The following PDZRN4 variants were observed in gnomAD, a reference collection of about 807,000 sequenced individuals.
PDZRN4 encodes PDZ domain-containing RING finger protein 4.
Under a neutral mutation model 99.0 loss-of-function variants are expected in PDZRN4, and 70 were observed. The observed-to-expected ratio is 0.71, with a 90% CI of 0.58 to 0.86. The LOEUF (loss-of-function observed/expected upper bound fraction) is 0.86. Ranked by LOEUF, PDZRN4 falls within the 40% of genes least tolerant of loss-of-function variation. The pLI, the probability that PDZRN4 is intolerant of heterozygous loss-of-function variation, is 0.00. For missense variants in PDZRN4, 1,474 were observed against 1,331.2 expected (o/e 1.11, Z -1.67); for synonymous variants, 551 against 501.6 (o/e 1.10, Z -1.32).
chr12:41,544,313 C>A lies in PDZRN4; in HGVS notation c.1204-8343C>A, dbSNP rs1425292880. ...GCAGAGATAAGAGACTGGGTCACAT[C>A]TATTGTTTGTACAGCTTTCAGAACG... is the stretch of plus-strand genomic sequence containing the variant. On this transcript the variant is annotated intron_variant, in intron 5 of 9. Transcript: ENST00000402685. Among the ~76,000 whole-genome samples, 5 of 152,306 alleles carry A rather than the reference C, an allele frequency of 3.3e-5. No homozygotes were observed. The East Asian group carries it at 5.8e-4, about 18-fold the overall frequency.
chr12:41,268,866 A>G (rs1951296240), intron 3 of PDZRN4, among the ~76,000 whole-genome samples: 1 of 152,192 alleles, frequency 6.6e-6, no homozygotes, highest in African/African-American at 2.4e-5. Flanking sequence ...AAATCATTGA[A>G]GGATAAAAAC....
chr12:41,363,362 T>C (rs1003629611), intron 3 of PDZRN4, among the ~76,000 whole-genome samples: 2 of 152,106 alleles, frequency 1.3e-5, no homozygotes, highest in Admixed American at 6.6e-5. Flanking sequence ...TACTATGAAA[T>C]ATGATAGTGA....
intron 3 of PDZRN4, among the ~76,000 whole-genome samples, chr12:41,473,721 G>A (rs879592014): frequency 2.6e-5 from 4 of 152,202 alleles, no homozygotes; most frequent in African/African-American, 7.2e-5. Flanking sequence ...CCCACTGCCC[G>A]CTATCTCCAA....
intron 3 of PDZRN4, among the ~76,000 whole-genome samples, chr12:41,437,338 T>G (rs1334143623): frequency 6.6e-6 from 1 of 152,192 alleles, no homozygotes; most frequent in African/African-American, 2.4e-5. Flanking sequence ...CTAAAAATAT[T>G]TCTCCTTCTT....
At chr12:41,310,532 C>T (rs954660213) in intron 3 of PDZRN4, among the ~76,000 whole-genome samples, 1 of 152,046 alleles carries the variant, frequency 6.6e-6, no homozygotes, top group Non-Finnish European at 1.5e-5. Context: ...TTTGCAAATG[C>T]TATCCTTAGG....
At chr12:41,335,736 A>G (rs1951768802) in intron 3 of PDZRN4, among the ~76,000 whole-genome samples, 1 of 152,152 alleles carries the variant, frequency 6.6e-6, no homozygotes. Context: ...AAACACATAG[A>G]GTTAATATGT....
chr12:41,560,564 C>A (rs903715506), intron 7 of PDZRN4, among the ~76,000 whole-genome samples: 1 of 152,130 alleles, frequency 6.6e-6, no homozygotes, highest in African/African-American at 2.4e-5. Context: ...GGTTCTCTTT[C>A]CCTCTATTTT....
At chr12:41,225,330 G>A (rs567480408) in intron 3 of PDZRN4, among the ~76,000 whole-genome samples, 88 of 151,910 alleles carry the variant, frequency 5.8e-4, no homozygotes, top group South Asian at 4.0e-3. Flanking sequence ...TGCATCTGAT[G>A]TAATAAATTG....
intron 3 of PDZRN4, among the ~76,000 whole-genome samples, chr12:41,352,493 T>C (rs185824204): frequency 1.3e-5 from 2 of 152,264 alleles, no homozygotes; most frequent in African/African-American, 4.8e-5. Flanking sequence ...GGTGAACTTA[T>C]TGTTGTCAAT....
intron 3 of PDZRN4, among the ~76,000 whole-genome samples, chr12:41,453,842 C>T (rs1024004530): frequency 6.9e-6 from 1 of 145,910 alleles, no homozygotes; most frequent in African/African-American, 2.6e-5. Flanking sequence ...TTATTAAGTG[C>T]TTTAATTAGC....
At chr12:41,236,959 TAATATTATA>T (rs1267761028) in intron 3 of PDZRN4, among the ~76,000 whole-genome samples, 1 of 152,110 alleles carries the variant, frequency 6.6e-6, no homozygotes, top group South Asian at 2.1e-4. Context: ...GTCTTTTTCA[TAATATTATA>T]CTCTAAAAAT....
At chr12:41,390,713 A>C (rs578116037) in intron 3 of PDZRN4, among the ~76,000 whole-genome samples, 1 of 152,144 alleles carries the variant, frequency 6.6e-6, no homozygotes, top group Admixed American at 6.6e-5. Context: ...TGTTGGTAAG[A>C]ATAATGTAAC....
At chr12:41,456,272 AT>A (rs1952815853) in intron 3 of PDZRN4, among the ~76,000 whole-genome samples, 1 of 152,100 alleles carries the variant, frequency 6.6e-6, no homozygotes, top group Admixed American at 6.5e-5. Flanking sequence ...GTTGGAACCA[AT>A]TTCCCTCCTG....
chr12:41,241,256 G>A (rs1464271716), intron 3 of PDZRN4, among the ~76,000 whole-genome samples: 1 of 152,028 alleles, frequency 6.6e-6, no homozygotes, highest in African/African-American at 2.4e-5. Flanking sequence ...TTCAAATTCT[G>A]GATTTTTGGA....
chr12:41,494,605 G>T (rs1274003565), intron 3 of PDZRN4, among the ~76,000 whole-genome samples: 1 of 151,510 alleles, frequency 6.6e-6, no homozygotes, highest in Non-Finnish European at 1.5e-5. Context: ...TTTGCCTTAG[G>T]CATCAATCTA....
chr12:41,250,171 A>G (rs1182763834), intron 3 of PDZRN4, among the ~76,000 whole-genome samples: 1 of 152,182 alleles, frequency 6.6e-6, no homozygotes, highest in African/African-American at 2.4e-5. Flanking sequence ...CCAGACTCTC[A>G]AAGTATTATT....
chr12:41,536,776 C>T (rs550220184), intron 5 of PDZRN4, among the ~76,000 whole-genome samples: 26 of 116,746 alleles, frequency 2.2e-4, no homozygotes, highest in Non-Finnish European at 3.7e-4. Context: ...AAAAAAAACC[C>T]TTCTTGATTT....
chr12:41,455,732 CT>C (rs1212229587), intron 3 of PDZRN4, among the ~76,000 whole-genome samples: 1 of 152,092 alleles, frequency 6.6e-6, no homozygotes, highest in Non-Finnish European at 1.5e-5. Flanking sequence ...ATAATACTTC[CT>C]GTTATGTCAG....
At chr12:41,287,980 TG>T (rs1379402824) in intron 3 of PDZRN4, among the ~76,000 whole-genome samples, 56 of 152,262 alleles carry the variant, frequency 3.7e-4, no homozygotes, top group Non-Finnish European at 6.0e-4. Context: ...GAAGCCCCTT[TG>T]TTTGGGCTTT....
Sources: gnomAD v4.1 joint callset for allele counts (sites outside exome capture counted in the v4.1 genomes callset) on GRCh38, gnomAD v4.1.1 for gene constraint, MANE v1.5 for transcripts, NCBI Gene and HGNC (gene_info 2026-07-23, HGNC 2026-07-21) for gene names.